Variants in SAMD3 observed in about 807,000 individuals in gnomAD.
The protein encoded by SAMD3 is sterile alpha motif domain containing 3.
Under a neutral mutation model 58.5 loss-of-function variants are expected in SAMD3, and 63 were observed. The observed-to-expected ratio is 1.08, with a 90% CI of 0.88 to 1.33. The LOEUF (loss-of-function observed/expected upper bound fraction) is 1.33, where lower values mean the gene tolerates loss of function less well. Among genes scored for constraint, SAMD3 ranks in the 40% most tolerant of loss-of-function variants. The pLI, the probability that SAMD3 is intolerant of heterozygous loss-of-function variation, is 0.00. For missense variants in SAMD3, 604 were observed against 608.4 expected (o/e 0.99, Z 0.08); for synonymous variants, 220 against 210.3 (o/e 1.05, Z -0.40).
intron 5 of SAMD3, among the ~76,000 whole-genome samples, chr6:130,203,297 A>G (rs1375551019): frequency 6.6e-6 from 1 of 152,190 alleles, no homozygotes; most frequent in African/African-American, 2.4e-5. Flanking sequence ...TCATTCTTCT[A>G]TGTATTTTAC....
At chr6:130,317,702 T>C (rs1233952800) in intron 1 of SAMD3, among the ~76,000 whole-genome samples, 1 of 152,144 alleles carries the variant, frequency 6.6e-6, no homozygotes, top group African/African-American at 2.4e-5. Context: ...TATTCCCCAC[T>C]GGAAGCAACT....
At chr6:130,268,194 G>A (rs1458358447) in intron 2 of SAMD3, among the ~76,000 whole-genome samples, 1 of 151,994 alleles carries the variant, frequency 6.6e-6, no homozygotes, top group Admixed American at 6.6e-5. Context: ...TTAACAAAAA[G>A]TAAAATATAA....
At chr6:130,331,924 A>G (rs1043838176) in intron 1 of SAMD3, among the ~76,000 whole-genome samples, 2 of 152,242 alleles carry the variant, frequency 1.3e-5, no homozygotes, top group Non-Finnish European at 2.9e-5. Flanking sequence ...TAGGCTCTGC[A>G]ATCATTAGGG....
intron 2 of SAMD3, among the ~76,000 whole-genome samples, chr6:130,294,964 C>T (rs1278702456): frequency 9.0e-6 from 1 of 111,246 alleles, no homozygotes; most frequent in African/African-American, 3.4e-5. Flanking sequence ...GCTCTTGTTG[C>T]CCGGGCTGGA....
In SAMD3 at chr6:130,154,905, T is replaced by C; in HGVS notation, c.943A>G (p.Ile315Val). Residue 315 changes from isoleucine (I) to valine (V), a missense_variant, in exon 9 of 12, where the codon ATA becomes GTA. Physicochemically the swap from Ile to Val is conservative, Grantham distance 29 (BLOSUM62 3). Transcript: ENST00000439090. ...IDKRMSQTLEIRRKMIGSRTP... is the reference protein window; with the variant it reads ...IDKRMSQTLEVRRKMIGSRTP... ...CGGCTGCCAATCATCTTTCTTCTTA[T>C]TTCCAAAGTTTGGCTCATTCTCTTG... 1 of 1,613,604 alleles carries C rather than the reference T, an allele frequency of 6.2e-7. No homozygotes were observed. Among genetic ancestry groups the C allele is most frequent in the South Asian group, 1.1e-5 (1 of 91,066 alleles).
At chr6:130,316,402 A>G (rs959362766) in intron 1 of SAMD3, among the ~76,000 whole-genome samples, 3 of 152,016 alleles carry the variant, frequency 2.0e-5, no homozygotes, top group African/African-American at 7.2e-5. Flanking sequence ...AAACTTGAGT[A>G]CATTGCTAGA....
chr6:130,350,459 A>G (rs973866726), intron 1 of SAMD3, among the ~76,000 whole-genome samples: 5 of 152,044 alleles, frequency 3.3e-5, no homozygotes, highest in Non-Finnish European at 5.9e-5. Context: ...TCATGAGTGA[A>G]CTCCCATTCA....
At chr6:130,332,287 T>C (rs926207519) in intron 1 of SAMD3, among the ~76,000 whole-genome samples, 7 of 152,126 alleles carry the variant, frequency 4.6e-5, no homozygotes, top group Admixed American at 4.6e-4. Context: ...TGGGTAAGAT[T>C]AGAAGGAAAG....
At chr6:130,253,818 T>C (rs1773831592) in intron 2 of SAMD3, among the ~76,000 whole-genome samples, 1 of 152,130 alleles carries the variant, frequency 6.6e-6, no homozygotes, top group Admixed American at 6.6e-5. Context: ...ATGTGATTTT[T>C]CATCATTAAA....
At chr6:130,285,757 TC>T (rs1348999876) in intron 2 of SAMD3, among the ~76,000 whole-genome samples, 1 of 152,222 alleles carries the variant, frequency 6.6e-6, no homozygotes, top group Non-Finnish European at 1.5e-5. Context: ...TCCATCTTAT[TC>T]CCAGTTAAAG....
chr6:130,188,356 A>C (rs138315399), intron 5 of SAMD3, among the ~76,000 whole-genome samples: 135 of 152,332 alleles, frequency 8.9e-4, no homozygotes, highest in African/African-American at 2.9e-3. Context: ...GAGGGCGGGG[A>C]CTTTTTGTTT....
At chr6:130,170,217 G>A (rs1791113795) in intron 8 of SAMD3, among the ~76,000 whole-genome samples, 1 of 152,080 alleles carries the variant, frequency 6.6e-6, no homozygotes, top group African/African-American at 2.4e-5. Context: ...CCGCCAACAG[G>A]CCCTGGTGTG....
At chr6:130,284,179 T>A (rs1321947436) in intron 2 of SAMD3, among the ~76,000 whole-genome samples, 1 of 152,192 alleles carries the variant, frequency 6.6e-6, no homozygotes, top group African/African-American at 2.4e-5. Flanking sequence ...CACAGAACAG[T>A]AATGATAATG....
At chr6:130,331,200 C>T (rs75865578) in intron 1 of SAMD3, among the ~76,000 whole-genome samples, 20,028 of 152,208 alleles carry the variant, frequency 0.13, 1,693 homozygotes, top group East Asian at 0.36. Context: ...AAGTCAGAGC[C>T]GTAAGGCTGC....
At chr6:130,332,431 T>C (rs1186203265) in intron 1 of SAMD3, among the ~76,000 whole-genome samples, 2 of 152,182 alleles carry the variant, frequency 1.3e-5, no homozygotes, top group Non-Finnish European at 1.5e-5. Flanking sequence ...GAAAGTGTCC[T>C]GGTCAGTCCA....
At chr6:130,279,451 C>G (rs1774904386) in intron 2 of SAMD3, among the ~76,000 whole-genome samples, 1 of 151,760 alleles carries the variant, frequency 6.6e-6, no homozygotes. Context: ...TTTCCTGAGG[C>G]CTCCCCAGCC....
intron 2 of SAMD3, among the ~76,000 whole-genome samples, chr6:130,273,106 G>T (rs149076852): frequency 6.6e-6 from 1 of 151,830 alleles, no homozygotes; most frequent in African/African-American, 2.4e-5. Flanking sequence ...GCTCTGAGGT[G>T]ACATGAAGCT....
intron 1 of SAMD3, among the ~76,000 whole-genome samples, chr6:130,360,176 C>T (rs1777942493): frequency 6.6e-6 from 1 of 152,140 alleles, no homozygotes; most frequent in Admixed American, 6.5e-5. Context: ...GCAATAATCC[C>T]CAGTGTCAAA....
chr6:130,257,870 C>G (rs1773977128), intron 2 of SAMD3, among the ~76,000 whole-genome samples: 1 of 152,072 alleles, frequency 6.6e-6, no homozygotes, highest in Non-Finnish European at 1.5e-5. Context: ...AAACACTATT[C>G]TGTCTTGTAT....
Sources: gnomAD v4.1 joint callset for allele counts (sites outside exome capture counted in the v4.1 genomes callset) on GRCh38, gnomAD v4.1.1 for gene constraint, MANE v1.5 for transcripts, NCBI Gene and HGNC (gene_info 2026-07-23, HGNC 2026-07-21) for gene names.